Variants in MON2 observed in about 807,000 individuals in gnomAD.
MON2 encodes protein MON2 homolog.
MON2 carries 84 observed loss-of-function variants against 208.6 expected under a neutral mutation model. That is an observed-to-expected ratio of 0.40 (90% CI 0.34 to 0.48). MON2 has a LOEUF of 0.48. Ranked by LOEUF, MON2 falls within the 20% of genes least tolerant of loss-of-function variation. MON2 has a pLI of 0.59. For synonymous variants in MON2, 660 were observed against 694.0 expected (o/e 0.95, Z 0.77); for missense variants, 1,611 against 2,015.4 (o/e 0.80, Z 3.84).
At chr12:62,550,539 A>G (rs370824333) in intron 23 of MON2, among the ~76,000 whole-genome samples, 3 of 152,180 alleles carry the variant, frequency 2.0e-5, no homozygotes, top group East Asian at 3.9e-4. Context: ...AAAAATGATA[A>G]TAATAAAAAG....
chr12:62,588,860 T>C, intron 34 of MON2: 1 of 1,471,062 alleles, frequency 6.8e-7, no homozygotes, highest in East Asian at 2.5e-5. Flanking sequence ...ATCCAGCTTG[T>C]ATCAGCCTAT....
At chr12:62,557,626 G>T in intron 25 of MON2, among the ~76,000 whole-genome samples, 2 of 151,858 alleles carry the variant, frequency 1.3e-5, no homozygotes. Flanking sequence ...TTCGTGTTTG[G>T]CATTTTTTAA....
In MON2 at chr12:62,579,011, G is replaced by A. The variant is rs937242926; in HGVS notation, c.4575+506G>A. 3.3e-5 allele frequency among the ~76,000 whole-genome samples: 5 copies of A among 152,130 alleles called. No homozygotes were observed. The East Asian group carries it at 9.7e-4, about 29-fold the overall frequency. On this transcript the variant is annotated intron_variant, in intron 31 of 34. Transcript: ENST00000393630. The stretch of plus-strand genomic sequence containing the variant: ...AGTGCTTTGAGAGGCTGAGGCAGGA[G>A]GATTGCTTGAGACCAGGAGTTTGAG...
chr12:62,516,123 T>G (rs1318343690), intron 8 of MON2, among the ~76,000 whole-genome samples: 7 of 152,106 alleles, frequency 4.6e-5, no homozygotes, highest in East Asian at 1.9e-4. Context: ...TTTGCAACAA[T>G]ATGGATGGAA....
chr12:62,472,919 T>C (rs1376402420), intron 1 of MON2, among the ~76,000 whole-genome samples: 1 of 152,228 alleles, frequency 6.6e-6, no homozygotes, highest in African/African-American at 2.4e-5. Context: ...TTACCTGTGC[T>C]TTGGTGACAG....
chr12:62,559,531 T>A (rs1165681069), intron 25 of MON2, among the ~76,000 whole-genome samples: 2 of 152,100 alleles, frequency 1.3e-5, no homozygotes, highest in Non-Finnish European at 2.9e-5. Context: ...TAGTCCCAGC[T>A]ACTCAGGAAG....
At position 62,535,444 on chromosome 12, in the gene MON2, C is replaced by G. The variant is rs1037129875; in HGVS notation, c.1716-81C>G. Reference sequence around the variant, plus strand: ...TTGTATAGATTTTCTTAAAATGTCACTGAATACTTAATTCCACATCATGCT... The same window carrying G: ...TTGTATAGATTTTCTTAAAATGTCAGTGAATACTTAATTCCACATCATGCT... On this transcript the variant is annotated intron_variant, in intron 13 of 34. Transcript: ENST00000393630. 2.9e-6 allele frequency: 3 copies of G among 1,047,562 alleles called. No individual in the cohort carries two copies. In the African/African-American group the frequency reaches 4.9e-5, roughly 17 times the overall value. 64.9% of individuals were successfully genotyped at this position (1,047,562 alleles called of 1,614,324 possible). A position where few individuals can be genotyped will look rare whatever the true frequency, so the allele number is the denominator to read the frequency against.
At chr12:62,542,445 T>C (rs1171594052) in intron 19 of MON2, among the ~76,000 whole-genome samples, 1 of 152,212 alleles carries the variant, frequency 6.6e-6, no homozygotes, top group Non-Finnish European at 1.5e-5. Context: ...TTTCATCAGC[T>C]GAATTTGCAT....
chr12:62,532,150 C>T (rs2072683462), intron 11 of MON2, among the ~76,000 whole-genome samples: 1 of 152,066 alleles, frequency 6.6e-6, no homozygotes. Context: ...CTTAATTTTT[C>T]TAATATCTAA....
At chr12:62,479,431 T>TTCCC (rs2069271782) in intron 1 of MON2, among the ~76,000 whole-genome samples, 1 of 117,142 alleles carries the variant, frequency 8.5e-6, no homozygotes, top group African/African-American at 3.2e-5. Context: ...TGTGTGTATA[T>TTCCC]CCCCCCCCCC....
Position 62,493,986 on chromosome 12 carries a change from A to G in MON2, c.247A>G (p.Thr83Ala), listed in dbSNP as rs1188132977. 4 of 1,613,290 alleles carry G rather than the reference A, an allele frequency of 2.5e-6. No homozygotes were observed. The highest frequency in any genetic ancestry group is 2.5e-6 in the Non-Finnish European group (3 of 1,179,412). ...TTGTGGAACCAAGGAACCGAAGATC[A>G]CTCAGCTATGTTTGGCTGCTATTCA... ...MGCGTKEPKI[T>A]QLCLAAIQRL... Residue 83 changes from threonine to alanine, a missense_variant, in exon 3 of 35, where the codon ACT (threonine) becomes GCT (alanine). Physicochemically the swap from Thr to Ala is moderately conservative, Grantham distance 58. Transcript: ENST00000393630.
chr12:62,480,407 CA>C (rs1159407688), intron 1 of MON2, among the ~76,000 whole-genome samples: 4 of 150,290 alleles, frequency 2.7e-5, no homozygotes, highest in Admixed American at 6.6e-5. Context: ...AAACAAAAAA[CA>C]AAAAAAATCA....
At position 62,592,750 on chromosome 12, in the gene MON2, C is replaced by A; in HGVS notation, c.*1C>A. ...CAGAGTTCAAAATGGAGAATCTTGA[C>A]CGGCTACAATATATTTGAAAGCAGG... On this transcript the variant is annotated 3_prime_UTR_variant, in exon 35 of 35. Transcript: ENST00000393630. 2 of 1,586,706 alleles carry A rather than the reference C, an allele frequency of 1.3e-6. No individual in the cohort carries two copies. Among genetic ancestry groups the A allele is most frequent in the Admixed American group, 1.7e-5 (1 of 59,616 alleles).
chr12:62,527,430 T>G (rs990625160), intron 11 of MON2, among the ~76,000 whole-genome samples: 1 of 152,220 alleles, frequency 6.6e-6, no homozygotes, highest in Non-Finnish European at 1.5e-5. Context: ...TTCATTGTTA[T>G]TTTTAGTCAT....
rs2075551095 is a variant in MON2 at position 62,597,469 on chromosome 12, T to C, written c.*4720T>C. 6.6e-6 allele frequency: 1 copy of C among 152,062 alleles called. No individual in the cohort carries two copies. Among genetic ancestry groups the C allele is most frequent in the Non-Finnish European group, 1.5e-5 (1 of 68,002 alleles). The allele number at this position is 152,062 out of a possible 1,614,324, so 9.4% of individuals were successfully genotyped here. A position where few individuals can be genotyped will look rare whatever the true frequency, so the allele number is the denominator to read the frequency against. ...ACTTTGCACTTTGGCCACTGTTGCG[T>C]TTTTGCCAAGGTAAAGTTCCCCTGC... is the stretch of plus-strand genomic sequence containing the variant. On this transcript the variant is annotated 3_prime_UTR_variant, in exon 35 of 35. Coordinates refer to ENST00000393630, the MANE Select transcript of MON2 (RefSeq NM_015026.3).
intron 8 of MON2, among the ~76,000 whole-genome samples, chr12:62,510,961 C>A (rs1037241988): frequency 7.9e-5 from 12 of 152,094 alleles, no homozygotes; most frequent in African/African-American, 2.7e-4. Flanking sequence ...TCTCTATACA[C>A]TAACAGTGAA....
In MON2 at chr12:62,481,297, C is replaced by T. The variant is rs532818282; in HGVS notation, c.112-2873C>T. Among the ~76,000 whole-genome samples, 44 of 152,126 alleles carry T rather than the reference C, an allele frequency of 2.9e-4. 1 individual carries two copies. The South Asian group carries it at 3.7e-3, about 13-fold the overall frequency. On this transcript the variant is annotated intron_variant, in intron 1 of 34. Coordinates refer to ENST00000393630, the MANE Select transcript of MON2 (RefSeq NM_015026.3). ...ATCCCAGCACTTTGGGAGGCTGAGGCGGGCGGATCACGAGGTCAGGTGATG... is the reference window on the plus strand; with the variant it reads ...ATCCCAGCACTTTGGGAGGCTGAGGTGGGCGGATCACGAGGTCAGGTGATG...
intron 26 of MON2, among the ~76,000 whole-genome samples, chr12:62,563,097 G>T (rs138469212): frequency 6.6e-6 from 1 of 152,260 alleles, no homozygotes; most frequent in Admixed American, 6.5e-5. Flanking sequence ...CGGGGCTGCC[G>T]GAGTTGCACT....
At chr12:62,483,576 CATG>C (rs1204542419) in intron 1 of MON2, among the ~76,000 whole-genome samples, 11 of 152,090 alleles carry the variant, frequency 7.2e-5, no homozygotes, top group Admixed American at 7.2e-4. Flanking sequence ...ATTAGCCAGG[CATG>C]GTGGTGGGTG....
Sources: gnomAD v4.1 joint callset for allele counts (sites outside exome capture counted in the v4.1 genomes callset) on GRCh38, gnomAD v4.1.1 for gene constraint, MANE v1.5 for transcripts, NCBI Gene and HGNC (gene_info 2026-07-23, HGNC 2026-07-21) for gene names.